The following SLC3A2 variants were observed in gnomAD, a reference collection of about 807,000 sequenced individuals.
The protein encoded by SLC3A2 is solute carrier family 3 member 2.
SLC3A2 carries 32 observed loss-of-function variants against 48.5 expected under a neutral mutation model. That is an observed-to-expected ratio of 0.66 (90% CI 0.50 to 0.89). SLC3A2 has a LOEUF of 0.89. Ranked by LOEUF, SLC3A2 falls within the 40% of genes least tolerant of loss-of-function variation. The pLI, the probability that SLC3A2 is intolerant of heterozygous loss-of-function variation, is 0.00. For synonymous variants in SLC3A2, 277 were observed against 288.8 expected (o/e 0.96, Z 0.41); for missense variants, 587 against 680.7 (o/e 0.86, Z 1.53).
chr11:62,880,105 T>C (rs931026241), upstream of SLC3A2, among the ~76,000 whole-genome samples: 2 of 152,186 alleles, frequency 1.3e-5, no homozygotes, highest in African/African-American at 2.4e-5. Flanking sequence ...CAGTCTCTTC[T>C]GGATGTCTGA....
chr11:62,856,425 G>A (rs762446737), intron 1 of SLC3A2: 1 of 1,533,490 alleles, frequency 6.5e-7, no homozygotes. Flanking sequence ...CCCCTTTGGT[G>A]GGGCCATTTC....
intron 1 of SLC3A2, chr11:62,856,454 G>GT: frequency 7.6e-7 from 1 of 1,318,196 alleles, no homozygotes; most frequent in Non-Finnish European, 1.1e-6. Context: ...ATGTCAGGAC[G>GT]TAAGTGCTTC....
intron 1 of SLC3A2, among the ~76,000 whole-genome samples, chr11:62,860,229 C>T (rs757407588): frequency 2.0e-5 from 3 of 151,830 alleles, no homozygotes; most frequent in East Asian, 1.9e-4. Context: ...TGGCCGGGCG[C>T]GGTGGCTCAC....
At chr11:62,883,174 T>G (rs1425318247) in intron 3 of SLC3A2, among the ~76,000 whole-genome samples, 175 bp downstream of exon 3, 1 of 152,190 alleles carries the variant, frequency 6.6e-6, no homozygotes, top group Non-Finnish European at 1.5e-5. Flanking sequence ...CACCTGTTTT[T>G]CTTGTTCCTT....
chr11:62,871,730 C>T (rs1224811798), intron 1 of SLC3A2: 13 of 508,754 alleles, frequency 2.6e-5, no homozygotes, highest in East Asian at 3.5e-5. Flanking sequence ...TTTAAAAATA[C>T]GATTTTTTTT....
intron 1 of SLC3A2, among the ~76,000 whole-genome samples, chr11:62,867,225 C>G (rs2085461875): frequency 6.6e-6 from 1 of 151,754 alleles, no homozygotes; most frequent in Admixed American, 6.6e-5. Flanking sequence ...CTCCTGACCT[C>G]AGGTGTTGCG....
intron 1 of SLC3A2, among the ~76,000 whole-genome samples, chr11:62,863,717 T>G (rs1183798865): frequency 6.6e-6 from 1 of 152,224 alleles, no homozygotes; most frequent in Non-Finnish European, 1.5e-5. Context: ...ACTTTATGAC[T>G]TGATAGGTCT....
rs1305239594 is a variant in SLC3A2 at position 62,881,783 on chromosome 11, T to C, written c.425-110T>C. 36 of 1,236,694 alleles carry C rather than the reference T, an allele frequency of 2.9e-5. No individual in the cohort carries two copies. The highest frequency in any genetic ancestry group is 3.6e-5 in the Non-Finnish European group (32 of 881,226). 76.6% of individuals were successfully genotyped at this position (1,236,694 alleles called of 1,614,324 possible). The stretch of plus-strand genomic sequence containing the variant: ...CGTGATTCAGCCTTGCCTCCCTCTC[T>C]CCCCCTTTGCCCCCTCCCCGTCCCA... On this transcript the variant is annotated intron_variant, in intron 1 of 8. Transcript: ENST00000338663. This position sits in a 1 kb window ranked among gnomAD's most constrained non-coding sequence, Gnocchi z 4.0.
chr11:62,884,861 C>T (rs992153126), intron 5 of SLC3A2, among the ~76,000 whole-genome samples, 171 bp downstream of exon 5: 8 of 82,472 alleles, frequency 9.7e-5, no homozygotes, highest in African/African-American at 2.8e-4. Context: ...GATGGAGTTC[C>T]GCTCTTTTTG....
chr11:62,874,473 A>G (rs2085550353), intron 1 of SLC3A2, among the ~76,000 whole-genome samples: 1 of 152,096 alleles, frequency 6.6e-6, no homozygotes, highest in African/African-American at 2.4e-5. Flanking sequence ...CAGATGGTGC[A>G]TTTATTTCTC....
Position 62,888,448 on chromosome 11 carries a change from C to T in SLC3A2, c.1345C>T (p.Leu449Phe), listed in dbSNP as rs766300743. 6.2e-7 allele frequency: 1 copy of T among 1,614,230 alleles called. No homozygotes were observed. Among genetic ancestry groups the T allele is most frequent in the South Asian group, 1.1e-5 (1 of 91,086 alleles). The change falls in exon 9 of 9, where the codon CTC (leucine) becomes TTC (phenylalanine). Residue 449 changes from leucine (L) to phenylalanine (F), a missense_variant. Physicochemically the swap from Leu to Phe is conservative, Grantham distance 22. Transcript: ENST00000338663. ...DFHAFSAGPG[L>F]FSYIRHWDQN... ...CCACGCGTTCTCCGCTGGGCCTGGA[C>T]TCTTCTCCTATATCCGCCACTGGGA... is the stretch of plus-strand genomic sequence containing the variant.
chr11:62,871,382 G>GTGTGCGT (rs1374401598), intron 1 of SLC3A2, among the ~76,000 whole-genome samples: 76 of 151,694 alleles, frequency 5.0e-4, no homozygotes, highest in African/African-American at 1.7e-3. Flanking sequence ...GGGATTTCAG[G>GTGTGCGT]CACCCGCCAC....
At chr11:62,858,714 A>C (rs577351130) in intron 1 of SLC3A2, among the ~76,000 whole-genome samples, 3 of 152,284 alleles carry the variant, frequency 2.0e-5, no homozygotes, top group African/African-American at 7.2e-5. Context: ...GTGTTTCTCG[A>C]AGAGGGGGTT....
upstream of SLC3A2, among the ~76,000 whole-genome samples, chr11:62,876,008 G>C (rs2085567470): frequency 6.6e-6 from 1 of 152,186 alleles, no homozygotes; most frequent in Non-Finnish European, 1.5e-5. Context: ...TGGGACCACA[G>C]GGGTGAGCCA....
intron 1 of SLC3A2, among the ~76,000 whole-genome samples, chr11:62,865,871 G>GTTGGGAGATACTTCCCC (rs1377453731): frequency 6.6e-6 from 1 of 152,072 alleles, no homozygotes; most frequent in Admixed American, 6.6e-5. Context: ...TCTGTTACGT[G>GTTGGGAGATACTTCCCC]TTGGGAGATA....
rs369100696 is a variant in SLC3A2, at chr11:62,881,055, A to C, written c.32A>C (p.Glu11Ala). The change falls in exon 1 of 9, where the codon GAG becomes GCG. Residue 11 changes from glutamate to alanine, a missense_variant. Physicochemically the swap from Glu to Ala is moderately radical, Grantham distance 107. Around this residue, in one of 3 missense-constraint regions of SLC3A2, gnomAD observed 409 missense variants for 446.7 expected, o/e 0.92. Coordinates refer to ENST00000338663, the MANE Select transcript of SLC3A2 (RefSeq NM_001013251.3). The surrounding 1 kb of genome is among the most constrained non-coding windows in gnomAD (Gnocchi z 4.0). ...CAGGACACCGAGGTGGATATGAAGGAGGTGGAGCTGAATGAGTTAGAGCCC... is the reference window on the plus strand; with the variant it reads ...CAGGACACCGAGGTGGATATGAAGGCGGTGGAGCTGAATGAGTTAGAGCCC... Reference protein sequence around the residue: MSQDTEVDMKEVELNELEPEK... With the variant: MSQDTEVDMKAVELNELEPEK... The C allele has an allele frequency of 1.1e-4, 183 of 1,594,782 alleles. No homozygotes were observed. The highest frequency in any genetic ancestry group is 1.4e-4 in the Non-Finnish European group (166 of 1,168,928).
chr11:62,870,190 T>C (rs2085496398), intron 1 of SLC3A2, among the ~76,000 whole-genome samples: 1 of 151,782 alleles, frequency 6.6e-6, no homozygotes, highest in Non-Finnish European at 1.5e-5. Context: ...CTTATTTATT[T>C]ATTTTTTTTT....
At position 62,881,404 on chromosome 11, in the gene SLC3A2, C is replaced by A; in HGVS notation, c.381C>A (p.Gly127=). The A allele has an allele frequency of 6.3e-7, 1 of 1,594,986 alleles. No homozygotes were observed. The highest frequency in any genetic ancestry group is 1.7e-5 in the Admixed American group (1 of 59,614). ...ACACGGGCGCCCTCTACCGCATCGG[C>A]GACCTTCAGGCCTTCCAGGGCCACG... The part of the protein sequence containing the change: ...WWHTGALYRI[G]DLQAFQGHGA... Residue 127 remains glycine, a synonymous_variant, in exon 1 of 9, where the codon GGC becomes GGA. Coordinates refer to ENST00000338663, the MANE Select transcript of SLC3A2 (RefSeq NM_001013251.3). The surrounding 1 kb of genome is among the most constrained non-coding windows in gnomAD (Gnocchi z 4.0).
intron 1 of SLC3A2, among the ~76,000 whole-genome samples, chr11:62,861,188 A>G (rs1240237271): frequency 2.0e-5 from 3 of 151,846 alleles, no homozygotes; most frequent in Non-Finnish European, 2.9e-5. Context: ...AATAAAAATT[A>G]GCTGCGTGTG....
Sources: allele counts gnomAD v4.1 joint callset (sites outside exome capture counted in the v4.1 genomes callset), GRCh38; gene constraint gnomAD v4.1.1; regional missense constraint gnomAD v4.1.1; non-coding constraint Gnocchi (gnomAD v3.1); transcripts MANE v1.5; gene names NCBI Gene and HGNC (gene_info 2026-07-23, HGNC 2026-07-21).